SEC22C: variants seen among roughly 807,000 people sequenced by gnomAD.
SEC22C encodes the protein SEC22 homolog C, vesicle trafficking protein.
In SEC22C, 29 loss-of-function variants were observed where a neutral mutation model predicts 34.7. The ratio of observed to expected loss-of-function variants is 0.84; its 90% CI spans 0.62 to 1.14. SEC22C has a LOEUF of 1.14. Among genes scored for constraint, SEC22C ranks in the 50% most tolerant of loss-of-function variants. The probability of loss-of-function intolerance (pLI) is 0.00; values close to 1 mark genes in which losing one functional copy is unlikely to be tolerated. For missense variants in SEC22C, 337 were observed against 369.0 expected, an observed-to-expected ratio of 0.91 and a Z score of 0.71; for synonymous variants, 117 against 132.8, an observed-to-expected ratio of 0.88 and a Z score of 0.82.
At chr3:42,600,778 G>A (rs538878036) in intron 1 of SEC22C, 2 of 376,046 alleles carry the variant, frequency 5.3e-6, no homozygotes, top group East Asian at 4.1e-5. Context: ...AGGCCAGCCA[G>A]GTGAAGAGCT....
At chr3:42,555,789 C>A in intron 6 of SEC22C, 141 bp downstream of exon 6, 1 of 705,104 alleles carries the variant, frequency 1.4e-6, no homozygotes, top group Non-Finnish European at 2.5e-6. Context: ...AGGTCCTCCA[C>A]TAAGGGCTTG....
At position 42,553,137 on chromosome 3, in the gene SEC22C, C is replaced by G; in HGVS notation, c.*111G>C. 1 of 1,489,922 alleles carries G rather than the reference C, an allele frequency of 6.7e-7. No individual in the cohort carries two copies. The allele number at this position is 1,489,922 out of a possible 1,614,324, so 92.3% of individuals were successfully genotyped here. A position where few individuals can be genotyped will look rare whatever the true frequency, so the allele number is the denominator to read the frequency against. On this transcript the variant is annotated 3_prime_UTR_variant, in exon 7 of 7. Coordinates refer to ENST00000264454, the MANE Select transcript of SEC22C (RefSeq NM_032970.4). ...CATCCCCAATTCCTGGTTTTTCAGT[C>G]CAGTTGGCTGAAAAGGATGGAAACT... is the stretch of plus-strand genomic sequence containing the variant.
chr3:42,552,115 A>AT lies in SEC22C; in HGVS notation c.*1132dup. On this transcript the variant is annotated 3_prime_UTR_variant, in exon 7 of 7. Transcript: ENST00000264454. ...TATTTTGGAAAACTGTGATCAATCA[A>AT]TTTTTTGACAGTGAAAGAGAGTAAC... 1 of 985,404 alleles carries AT rather than the reference A, an allele frequency of 1.0e-6. No homozygotes were observed. Among genetic ancestry groups the AT allele is most frequent in the Non-Finnish European group, 1.2e-6 (1 of 829,890 alleles). 61.0% of individuals were successfully genotyped at this position (985,404 alleles called of 1,614,324 possible).
Position 42,561,165 on chromosome 3 carries a change from C to T in SEC22C, c.478G>A (p.Val160Met). ...PAVLTLEDTD[V>M]ANGVMNGHTP... ...TGACCATTCATCACCCCATTTGCCA[C>T]ATCTGTGTCCTCCAGAGTGAGAACC... The change falls in exon 4 of 7, where the codon GTG (valine) becomes ATG (methionine). Residue 160 changes from valine (V) to methionine (M), a missense_variant. Transcript: ENST00000264454. The T allele has an allele frequency of 6.2e-7, 1 of 1,614,200 alleles. No individual in the cohort carries two copies. The highest frequency in any genetic ancestry group is 2.2e-5 in the East Asian group (1 of 44,880).
Position 42,548,808 on chromosome 3 carries a change from C to A in SEC22C, c.*4440G>T. On this transcript the variant is annotated 3_prime_UTR_variant, in exon 7 of 7. Coordinates refer to ENST00000264454, the MANE Select transcript of SEC22C (RefSeq NM_032970.4). Reference sequence around the variant, plus strand: ...ATAACAAAATGCCTTTTTGTAAAGGCCAGAAGAAATGGCTGTGCTGTGCTG... The same window carrying A: ...ATAACAAAATGCCTTTTTGTAAAGGACAGAAGAAATGGCTGTGCTGTGCTG... 6 of 1,461,188 alleles carry A rather than the reference C, an allele frequency of 4.1e-6. No individual in the cohort carries two copies. The South Asian group carries it at 8.4e-5, about 20-fold the overall frequency. The allele number at this position is 1,461,188 out of a possible 1,614,324, so 90.5% of individuals were successfully genotyped here. A position where few individuals can be genotyped will look rare whatever the true frequency, so the allele number is the denominator to read the frequency against.
At chr3:42,556,737 T>C (rs1326610904) in intron 5 of SEC22C, among the ~76,000 whole-genome samples, 2 of 152,242 alleles carry the variant, frequency 1.3e-5, no homozygotes, top group Non-Finnish European at 2.9e-5. Context: ...TGTTTTCTTT[T>C]TTTGAGACGG....
At chr3:42,556,828 A>C (rs1175121493) in intron 5 of SEC22C, among the ~76,000 whole-genome samples, 1 of 150,632 alleles carries the variant, frequency 6.6e-6, no homozygotes, top group Non-Finnish European at 1.5e-5. Context: ...GTTTCAAGCG[A>C]CTCTCCCACC....
intron 1 of SEC22C, among the ~76,000 whole-genome samples, chr3:42,599,028 C>T (rs1705147466): frequency 1.3e-5 from 2 of 151,558 alleles, no homozygotes; most frequent in Non-Finnish European, 2.9e-5. Flanking sequence ...TGCAGTGGAC[C>T]GATCTCGGCT....
chr3:42,588,420 C>A (rs544202973), intron 1 of SEC22C, among the ~76,000 whole-genome samples: 16 of 152,102 alleles, frequency 1.1e-4, no homozygotes, highest in Admixed American at 2.0e-4. Flanking sequence ...ACAACAACAA[C>A]AAAAAAACCC....
chr3:42,590,404 G>A (rs1704777956), intron 1 of SEC22C, among the ~76,000 whole-genome samples: 1 of 152,172 alleles, frequency 6.6e-6, no homozygotes, highest in South Asian at 2.1e-4. Context: ...GCCGAGGCGG[G>A]CGGATCACGA....
intron 3 of SEC22C, among the ~76,000 whole-genome samples, chr3:42,562,060 T>C (rs1005457366): frequency 6.6e-6 from 1 of 152,230 alleles, no homozygotes; most frequent in Non-Finnish European, 1.5e-5. Flanking sequence ...GATTATATAT[T>C]TGAAAAGTAT....
intron 2 of SEC22C, chr3:42,565,988 C>A: frequency 2.3e-6 from 1 of 436,892 alleles, no homozygotes; most frequent in Non-Finnish European, 4.5e-6. Flanking sequence ...CAAAATACTA[C>A]TGAAGTATCC....
intron 1 of SEC22C, among the ~76,000 whole-genome samples, chr3:42,576,955 A>G (rs1704004616): frequency 6.6e-6 from 1 of 152,200 alleles, no homozygotes; most frequent in African/African-American, 2.4e-5. Context: ...CAGAATACAG[A>G]ACCCAAAAAT....
rs1470630606 is a variant in SEC22C, at chr3:42,553,245, TC to T, written c.*2del. On this transcript the variant is annotated 3_prime_UTR_variant, in exon 7 of 7. Coordinates refer to ENST00000264454, the MANE Select transcript of SEC22C (RefSeq NM_032970.4). ...AAAGAATCCATTCATCACAGTGTCA[TC>T]CTCATACTCCACAGTCAGACTGCTT... is the stretch of plus-strand genomic sequence containing the variant. The T allele has an allele frequency of 1.2e-6, 2 of 1,613,894 alleles. No individual in the cohort carries two copies. Among genetic ancestry groups the T allele is most frequent in the African/African-American group, 2.7e-5 (2 of 74,926 alleles).
chr3:42,598,484 C>T (rs149258621), intron 1 of SEC22C, among the ~76,000 whole-genome samples: 35 of 152,070 alleles, frequency 2.3e-4, no homozygotes, highest in Non-Finnish European at 4.6e-4. Flanking sequence ...CCTGCCACCA[C>T]GCCCTGCTAA....
chr3:42,572,094 G>A (rs1703668177), intron 1 of SEC22C, among the ~76,000 whole-genome samples: 1 of 151,904 alleles, frequency 6.6e-6, no homozygotes, highest in Non-Finnish European at 1.5e-5. Flanking sequence ...GGACCTTGGG[G>A]TCTGAGGAAT....
intron 1 of SEC22C, among the ~76,000 whole-genome samples, chr3:42,581,045 C>T (rs182978221): frequency 1.1e-4 from 16 of 152,348 alleles, no homozygotes; most frequent in Admixed American, 1.0e-3. Flanking sequence ...TAAATCAGAG[C>T]TATTAACATT....
At chr3:42,566,538 G>A (rs9813861) in intron 2 of SEC22C, among the ~76,000 whole-genome samples, 68,253 of 151,890 alleles carry the variant, frequency 0.45, 17,841 homozygotes, top group African/African-American at 0.72. Context: ...AATTAGCCAG[G>A]CGTGGTGGTG....
Position 42,548,428 on chromosome 3 carries a change from TG to T in SEC22C, c.*4819del. The T allele has an allele frequency of 3.1e-6, 2 of 642,892 alleles. No individual in the cohort carries two copies. Among genetic ancestry groups the T allele is most frequent in the South Asian group, 4.0e-5 (2 of 50,232 alleles). 39.8% of individuals were successfully genotyped at this position (642,892 alleles called of 1,614,324 possible). A position where few individuals can be genotyped will look rare whatever the true frequency, so the allele number is the denominator to read the frequency against. The stretch of plus-strand genomic sequence containing the variant: ...TTTTACCCTAAATAAAAGGCGCTTG[TG>T]GGCAACAGCTCTGCCATCAATACAC... On this transcript the variant is annotated 3_prime_UTR_variant, in exon 7 of 7. Transcript: ENST00000264454.
Sources: allele counts gnomAD v4.1 joint callset (sites outside exome capture counted in the v4.1 genomes callset), GRCh38; gene constraint gnomAD v4.1.1; transcripts MANE v1.5; gene names NCBI Gene and HGNC (gene_info 2026-07-23, HGNC 2026-07-21).